Variants in PDE1A observed in about 807,000 individuals in gnomAD.
PDE1A encodes dual specificity calcium/calmodulin-dependent 3',5'-cyclic nucleotide phosphodiesterase 1A.
Under a neutral mutation model 61.7 loss-of-function variants are expected in PDE1A, and 35 were observed. That is an observed-to-expected ratio of 0.57 (90% CI 0.43 to 0.75). The LOEUF is 0.75. Among genes scored for constraint, PDE1A ranks in the 30% least tolerant of loss-of-function variants. The pLI, the probability that PDE1A is intolerant of heterozygous loss-of-function variation, is 0.00. For synonymous variants in PDE1A, 232 were observed against 213.2 expected (o/e 1.09, Z -0.77); for missense variants, 597 against 630.6 (o/e 0.95, Z 0.57).
chr2:182,357,361 C>T (rs761262553), intron 1 of PDE1A, among the ~76,000 whole-genome samples: 10 of 151,938 alleles, frequency 6.6e-5, no homozygotes, highest in Admixed American at 2.0e-4. Flanking sequence ...AGTCTGAACA[C>T]GTAGATGACA....
chr2:182,639,744 G>A, the PDE1A span, among the ~76,000 whole-genome samples: 1 of 151,326 alleles, frequency 6.6e-6, no homozygotes, highest in African/African-American at 2.4e-5. Flanking sequence ...CAGAAGATAA[G>A]CAAAAGAGAT....
chr2:182,168,966 AATT>A (rs947124991), intron 13 of PDE1A, among the ~76,000 whole-genome samples: 5 of 152,030 alleles, frequency 3.3e-5, no homozygotes, highest in African/African-American at 1.2e-4. Context: ...GCATCAAGGA[AATT>A]ATTAAGTCTT....
intron 1 of PDE1A, among the ~76,000 whole-genome samples, chr2:182,313,792 G>A (rs1435100358): frequency 6.6e-6 from 1 of 152,134 alleles, no homozygotes; most frequent in Non-Finnish European, 1.5e-5. Flanking sequence ...GAGATAATAT[G>A]AAGAAGTCCA....
the PDE1A span, among the ~76,000 whole-genome samples, chr2:182,652,479 T>G: frequency 6.6e-6 from 1 of 152,090 alleles, no homozygotes; most frequent in Non-Finnish European, 1.5e-5. Flanking sequence ...ATCAAAGACA[T>G]ACAATAGAGA....
At chr2:182,418,346 G>A (rs530657615) in intron 1 of PDE1A, among the ~76,000 whole-genome samples, 1 of 152,282 alleles carries the variant, frequency 6.6e-6, no homozygotes, top group African/African-American at 2.4e-5. Flanking sequence ...GGGCAATTAG[G>A]TGAAACGTTT....
At chr2:182,532,443 G>A in the PDE1A span, among the ~76,000 whole-genome samples, 1 of 152,104 alleles carries the variant, frequency 6.6e-6, no homozygotes, top group Admixed American at 6.5e-5. Context: ...ATCACATATT[G>A]TATGATTCCG....
intron 1 of PDE1A, among the ~76,000 whole-genome samples, chr2:182,370,135 C>T (rs1219739747): frequency 6.6e-6 from 1 of 151,802 alleles, no homozygotes; most frequent in African/African-American, 2.4e-5. Context: ...TGAGATCACA[C>T]CACTGCACTC....
chr2:182,234,693 C>T (rs1019714823), intron 3 of PDE1A, among the ~76,000 whole-genome samples, 195 bp from the exon 4 acceptor site: 1 of 152,250 alleles, frequency 6.6e-6, no homozygotes, highest in Middle Eastern at 3.4e-3. Flanking sequence ...GTAATATATT[C>T]TCTATTCACA....
intron 1 of PDE1A, among the ~76,000 whole-genome samples, chr2:182,369,167 C>T (rs1419358369): frequency 6.6e-6 from 1 of 152,098 alleles, no homozygotes; most frequent in Non-Finnish European, 1.5e-5. Context: ...GTATGCCTCT[C>T]TATTTCTGCA....
At chr2:182,511,398 C>A (rs1167557906) in intron 2 of PDE1A, among the ~76,000 whole-genome samples, 2 of 152,084 alleles carry the variant, frequency 1.3e-5, no homozygotes, top group Admixed American at 6.5e-5. Flanking sequence ...ACCAGAGGAG[C>A]TCCTGGGGCC....
chr2:182,450,521 C>T (rs866648161), intron 2 of PDE1A, among the ~76,000 whole-genome samples: 1 of 150,266 alleles, frequency 6.7e-6, no homozygotes. Flanking sequence ...AACAATATAC[C>T]AATGACATCA....
At chr2:182,473,720 T>C (rs1396085541) in intron 2 of PDE1A, among the ~76,000 whole-genome samples, 1 of 151,994 alleles carries the variant, frequency 6.6e-6, no homozygotes, top group Non-Finnish European at 1.5e-5. Context: ...TAGCCCCACA[T>C]ATAAGTGAGA....
chr2:182,270,090 A>T (rs928268047), intron 1 of PDE1A, among the ~76,000 whole-genome samples: 1 of 152,164 alleles, frequency 6.6e-6, no homozygotes, highest in African/African-American at 2.4e-5. Context: ...ATCAGCCTGA[A>T]AATATGTGCT....
chr2:182,658,895 G>A, the PDE1A span, among the ~76,000 whole-genome samples: 4 of 152,030 alleles, frequency 2.6e-5, no homozygotes, highest in South Asian at 4.2e-4. Context: ...TCAAACACTG[G>A]CAAATCTTTT....
At chr2:182,173,092 G>A (rs939965861) in intron 13 of PDE1A, among the ~76,000 whole-genome samples, 4 of 152,010 alleles carry the variant, frequency 2.6e-5, no homozygotes, top group Admixed American at 1.3e-4. Flanking sequence ...AGCTGGCTCA[G>A]ATTTAGATCT....
At chr2:182,426,790 C>T in exon 1 of PDE1A, 6 of 1,455,472 alleles carry the variant, frequency 4.1e-6, no homozygotes, top group Non-Finnish European at 4.5e-6. Flanking sequence ...TCCCTGTTCT[C>T]TGCCAGCTGA....
At chr2:182,251,755 A>G (rs939278271) in intron 2 of PDE1A, among the ~76,000 whole-genome samples, 5 of 152,226 alleles carry the variant, frequency 3.3e-5, no homozygotes, top group Non-Finnish European at 5.9e-5. Flanking sequence ...GTCAGTGATG[A>G]GGCATGTTGG....
chr2:182,214,063 G>T (rs201146726), intron 7 of PDE1A, among the ~76,000 whole-genome samples: 6 of 141,942 alleles, frequency 4.2e-5, no homozygotes, highest in Admixed American at 7.1e-5. Context: ...GACTAACAGC[G>T]GATCTCTCGG....
chr2:182,209,243 G>C (rs542661292), intron 7 of PDE1A, among the ~76,000 whole-genome samples: 2 of 152,010 alleles, frequency 1.3e-5, no homozygotes, highest in Admixed American at 6.6e-5. Context: ...CATGGTGGCC[G>C]CAAGAGAGAG....
Sources: allele counts gnomAD v4.1 joint callset (sites outside exome capture counted in the v4.1 genomes callset), GRCh38; gene constraint gnomAD v4.1.1; transcripts MANE v1.5; gene names NCBI Gene and HGNC (gene_info 2026-07-23, HGNC 2026-07-21).